CADPS: variants seen among roughly 807,000 people sequenced by gnomAD.
The protein encoded by CADPS is calcium dependent secretion activator.
In CADPS, 57 loss-of-function variants were observed where a neutral mutation model predicts 167.3. The ratio of observed to expected loss-of-function variants is 0.34; its 90% CI spans 0.28 to 0.42. The LOEUF is 0.42. CADPS is among the 20% of genes least tolerant of loss of function. CADPS has a pLI of 1.00. For synonymous variants in CADPS, 676 were observed against 635.3 expected (o/e 1.06, Z -0.96); for missense variants, 1,414 against 1,738.1 (o/e 0.81, Z 3.32).
intron 28 of CADPS, among the ~76,000 whole-genome samples, chr3:62,437,484 G>C (rs142097546): frequency 1.0e-3 from 157 of 151,872 alleles, no homozygotes; most frequent in Middle Eastern, 0.01. Context: ...GCAGCCCAAT[G>C]TACTCATTCT....
chr3:62,438,054 T>C lies in CADPS; in HGVS notation c.3777+50A>G, dbSNP rs766362746. ...CCTCCTGTCTCTTATTTTGTCACATTTTGGAGGGTCTCCTCCTTGGTTTTC... is the reference window on the plus strand; with the variant it reads ...CCTCCTGTCTCTTATTTTGTCACATCTTGGAGGGTCTCCTCCTTGGTTTTC... On this transcript the variant is annotated intron_variant, in intron 28 of 29. Transcript: ENST00000383710. This position sits in a 1 kb window ranked among gnomAD's most constrained non-coding sequence, Gnocchi z 4.7. The C allele has an allele frequency of 1.6e-6, 2 of 1,238,190 alleles. No individual in the cohort carries two copies. Among genetic ancestry groups the C allele is most frequent in the South Asian group, 2.5e-5 (2 of 81,538 alleles). The allele number at this position is 1,238,190 out of a possible 1,614,324, so 76.7% of individuals were successfully genotyped here.
chr3:62,722,749 T>A (rs978076702), intron 3 of CADPS, among the ~76,000 whole-genome samples: 3 of 152,202 alleles, frequency 2.0e-5, no homozygotes, highest in Non-Finnish European at 2.9e-5. Context: ...AACAGATTGA[T>A]CCAGCGTATA....
chr3:62,629,342 C>T (rs2064804620), intron 6 of CADPS, among the ~76,000 whole-genome samples: 1 of 152,176 alleles, frequency 6.6e-6, no homozygotes, highest in South Asian at 2.1e-4. Flanking sequence ...CATAGATTTG[C>T]ATTTTCCTTA....
At position 62,765,962 on chromosome 3, in the gene CADPS, G is replaced by C; in HGVS notation, c.464C>G (p.Thr155Arg). ...GAAAGCCTGAAACCGGTCCTTGACT[G>C]TCTGCAGCTGCTGTTTGCTGATCTG... ...QQKISKQQLQTVKDRFQAFLN... is the reference protein window; with the variant it reads ...QQKISKQQLQRVKDRFQAFLN... The change falls in exon 2 of 30, where the codon ACA (threonine) becomes AGA (arginine). Residue 155 changes from threonine to arginine, a missense_variant. By Grantham distance (71) the Thr-to-Arg change is moderately conservative. Transcript: ENST00000383710. 2 of 1,612,846 alleles carry C rather than the reference G, an allele frequency of 1.2e-6. No homozygotes were observed. Among genetic ancestry groups the C allele is most frequent in the Non-Finnish European group, 1.7e-6 (2 of 1,179,014 alleles).
intron 14 of CADPS, among the ~76,000 whole-genome samples, chr3:62,517,036 A>G (rs2069161192): frequency 6.6e-6 from 1 of 152,160 alleles, no homozygotes; most frequent in African/African-American, 2.4e-5. Flanking sequence ...TAAGTCCCCA[A>G]AAGATCAATA....
At chr3:62,775,831 C>T (rs1301710927) in intron 1 of CADPS, among the ~76,000 whole-genome samples, 2 of 152,032 alleles carry the variant, frequency 1.3e-5, no homozygotes, top group Admixed American at 6.5e-5. Context: ...GGTGTGTGCC[C>T]AAGGATCAAC....
chr3:62,645,169 A>G (rs756751246), intron 6 of CADPS, among the ~76,000 whole-genome samples: 2 of 152,214 alleles, frequency 1.3e-5, no homozygotes, highest in Non-Finnish European at 2.9e-5. Flanking sequence ...AAGGAATAAG[A>G]ATGATACAAT....
chr3:62,853,242 G>A (rs2078980177), intron 1 of CADPS, among the ~76,000 whole-genome samples: 1 of 152,120 alleles, frequency 6.6e-6, no homozygotes, highest in Admixed American at 6.6e-5. Context: ...AATTCTACCA[G>A]GTCAAGTCAG....
At chr3:62,530,863 T>C (rs1049484739) in intron 13 of CADPS, 3 of 1,048,958 alleles carry the variant, frequency 2.9e-6, no homozygotes, top group East Asian at 1.6e-4. Context: ...TGGCCAGCCA[T>C]AGGAGAATCA....
intron 3 of CADPS, among the ~76,000 whole-genome samples, chr3:62,667,425 C>A (rs555810434): frequency 1.3e-5 from 2 of 151,916 alleles, no homozygotes; most frequent in African/African-American, 2.4e-5. Flanking sequence ...AAAGTCGTGA[C>A]CTCTCGGTGC....
intron 27 of CADPS, chr3:62,439,084 G>GTAA (rs2055769242): frequency 6.6e-6 from 1 of 151,890 alleles, no homozygotes. Flanking sequence ...TTAAAACACT[G>GTAA]TAATATAGGT....
chr3:62,631,210 T>C (rs1292397028), intron 6 of CADPS, among the ~76,000 whole-genome samples: 3 of 152,124 alleles, frequency 2.0e-5, no homozygotes, highest in African/African-American at 2.4e-5. Context: ...TGGTAGGTAA[T>C]GAAGTTGGTA....
At chr3:62,410,010 T>C (rs1204539890) in intron 28 of CADPS, among the ~76,000 whole-genome samples, 1 of 152,144 alleles carries the variant, frequency 6.6e-6, no homozygotes, top group Non-Finnish European at 1.5e-5. Flanking sequence ...ATAACACACA[T>C]ACTGTAGTAA....
chr3:62,427,074 C>CAA (rs58024853), intron 28 of CADPS, among the ~76,000 whole-genome samples: 19,780 of 102,280 alleles, frequency 0.19, 1,983 homozygotes, highest in East Asian at 0.38. Flanking sequence ...GACTCCGTAT[C>CAA]AAAAAAAAAA....
chr3:62,464,472 G>A (rs1027927699), intron 26 of CADPS, among the ~76,000 whole-genome samples: 6 of 152,172 alleles, frequency 3.9e-5, no homozygotes, highest in Admixed American at 2.6e-4. Flanking sequence ...GCAGGAACCT[G>A]CTGTCAGAAA....
At chr3:62,547,594 C>CG (rs945940616) in intron 11 of CADPS, among the ~76,000 whole-genome samples, 22 of 110,566 alleles carry the variant, frequency 2.0e-4, no homozygotes, top group Non-Finnish European at 3.8e-4. Context: ...ACGCCCCCCC[C>CG]CCCCCGCAAA....
chr3:62,471,513 C>T (rs754628484), intron 24 of CADPS, among the ~76,000 whole-genome samples: 4 of 152,138 alleles, frequency 2.6e-5, no homozygotes, highest in Non-Finnish European at 5.9e-5. Flanking sequence ...TCTCCCTAAA[C>T]CCCCAGCTCA....
At chr3:62,479,320 T>G (rs1030483177) in intron 22 of CADPS, among the ~76,000 whole-genome samples, 3 of 152,204 alleles carry the variant, frequency 2.0e-5, no homozygotes, top group African/African-American at 4.8e-5. Flanking sequence ...CTGGCTGTCT[T>G]TTTTGTAACA....
chr3:62,519,702 C>T (rs1247924239), intron 13 of CADPS, among the ~76,000 whole-genome samples: 1 of 152,098 alleles, frequency 6.6e-6, no homozygotes, highest in Non-Finnish European at 1.5e-5. Context: ...TCACTGTGGC[C>T]TTGAACTCCT....
Sources: allele counts gnomAD v4.1 joint callset (sites outside exome capture counted in the v4.1 genomes callset), GRCh38; gene constraint gnomAD v4.1.1; non-coding constraint Gnocchi (gnomAD v3.1); transcripts MANE v1.5; gene names NCBI Gene and HGNC (gene_info 2026-07-23, HGNC 2026-07-21).